The following EP400 variants were observed in gnomAD, a reference collection of about 807,000 sequenced individuals.
EP400 encodes E1A binding protein p400, also known as E1A-binding protein p400.
EP400 carries 105 observed loss-of-function variants against 354.1 expected under a neutral mutation model. The observed-to-expected ratio is 0.30, with a 90% confidence interval of 0.25 to 0.35. The LOEUF (loss-of-function observed/expected upper bound fraction) is 0.35, where lower values mean the gene tolerates loss of function less well. Ranked by LOEUF, EP400 falls within the 10% of genes least tolerant of loss-of-function variation. The probability of loss-of-function intolerance (pLI) is 1.00; values close to 1 mark genes in which losing one functional copy is unlikely to be tolerated. For synonymous variants in EP400, 1,646 were observed against 1,716.9 expected, an observed-to-expected ratio of 0.96 and a Z score of 1.02; for missense variants, 3,280 against 4,121.0, an observed-to-expected ratio of 0.80 and a Z score of 5.59.
At position 132,075,970 on chromosome 12, in the gene EP400, C is replaced by A. The variant is rs1298218468; in HGVS notation, c.9022-546C>A. On this transcript the variant is annotated intron_variant, in intron 51 of 52. Transcript: ENST00000389561. This position sits in a 1 kb window ranked among gnomAD's most constrained non-coding sequence, Gnocchi z 4.5. ...GGAGATGCATGCAGTAGCAAGTGCA[C>A]AGAAAGTGGGCACTGGGTGGAAAGT... 1 of 200,720 alleles carries A rather than the reference C, an allele frequency of 5.0e-6. No individual in the cohort carries two copies. Among genetic ancestry groups the A allele is most frequent in the African/African-American group, 2.3e-5 (1 of 43,090 alleles). The allele number at this position is 200,720 out of a possible 1,614,324, so 12.4% of individuals were successfully genotyped here.
Position 132,029,418 on chromosome 12 carries a change from G to A in EP400, c.5382-283G>A, listed in dbSNP as rs1031653324. Reference sequence around the variant, plus strand: ...ACTAGAAAGAGAATGGCTTATCTCTGACCTGGTGCCTGCGGCCTAGGGAAT... The same window carrying A: ...ACTAGAAAGAGAATGGCTTATCTCTAACCTGGTGCCTGCGGCCTAGGGAAT... On this transcript the variant is annotated intron_variant, in intron 27 of 52. Transcript: ENST00000389561. The surrounding 1 kb of genome is among the most constrained non-coding windows in gnomAD (Gnocchi z 4.7). The A allele has an allele frequency of 5.8e-6, 3 of 514,958 alleles. No homozygotes were observed. The highest frequency in any genetic ancestry group is 1.0e-5 in the Non-Finnish European group (3 of 288,680). 31.9% of individuals were successfully genotyped at this position (514,958 alleles called of 1,614,324 possible).
At chr12:131,965,641 C>T (rs1396767373) in intron 2 of EP400, among the ~76,000 whole-genome samples, 2 of 152,318 alleles carry the variant, frequency 1.3e-5, no homozygotes, top group East Asian at 1.9e-4. Context: ...CAACCCTTCA[C>T]GCCTCCCTTG....
intron 2 of EP400, among the ~76,000 whole-genome samples, chr12:131,972,272 C>T (rs1382236506): frequency 6.6e-6 from 1 of 151,902 alleles, no homozygotes; most frequent in Non-Finnish European, 1.5e-5. Flanking sequence ...CCTGCCTCAG[C>T]CTCCGGAGTA....
At chr12:131,991,276 G>C (rs932313845) in intron 9 of EP400, 131 bp from the exon 10 acceptor site, 1 of 807,598 alleles carries the variant, frequency 1.2e-6, no homozygotes, top group Non-Finnish European at 2.1e-6. Flanking sequence ...ATGATGATGA[G>C]GAGGCAGAAC....
rs1402029503 is a variant in EP400 at position 132,078,705 on chromosome 12, T to C, written c.*1032T>C. The C allele has an allele frequency of 2.0e-5, 3 of 152,358 alleles. No homozygotes were observed. The highest frequency in any genetic ancestry group is 6.5e-5 in the Admixed American group (1 of 15,310). The allele number at this position is 152,358 out of a possible 1,614,324, so 9.4% of individuals were successfully genotyped here. A position where few individuals can be genotyped will look rare whatever the true frequency, so the allele number is the denominator to read the frequency against. On this transcript the variant is annotated 3_prime_UTR_variant, in exon 53 of 53. Coordinates refer to ENST00000389561, the MANE Select transcript of EP400 (RefSeq NM_015409.5). The stretch of plus-strand genomic sequence containing the variant: ...CTGGTGATTCTGGAAGTATTGGCTA[T>C]AGCGGTGGGCCCAGTCAACTCTTCC...
intron 39 of EP400, among the ~76,000 whole-genome samples, chr12:132,049,391 C>T (rs529665781): frequency 2.6e-5 from 4 of 152,322 alleles, no homozygotes; most frequent in South Asian, 4.1e-4. Context: ...TACAGTGTTC[C>T]GGAAGCAGAC....
At chr12:132,016,389 A>C (rs1170831795) in intron 19 of EP400, among the ~76,000 whole-genome samples, 1 of 151,124 alleles carries the variant, frequency 6.6e-6, no homozygotes, top group Non-Finnish European at 1.5e-5. Context: ...TTTTCTTGAG[A>C]TGGAGTCTCG....
intron 2 of EP400, among the ~76,000 whole-genome samples, chr12:131,976,696 C>T (rs1211094785): frequency 3.9e-5 from 6 of 152,068 alleles, no homozygotes; most frequent in South Asian, 2.1e-4. Context: ...GGCGACAGAG[C>T]GAGACTCTGT....
rs1455740169 is a variant in EP400 at position 132,021,297 on chromosome 12, T to C, written c.4666T>C (p.Ser1556Pro). Residue 1556 changes from serine (S) to proline (P), a missense_variant, in exon 23 of 53, where the codon TCG becomes CCG. Coordinates refer to ENST00000389561, the MANE Select transcript of EP400 (RefSeq NM_015409.5). ...GCTGCCTCAGAGGCTGGTGCTCCCC[T>C]CGCAGGCCCAGGCCCGCTTGCCCAG... ...SALPQRLVLP[S>P]QAQARLPSGE... The C allele has an allele frequency of 1.3e-6, 2 of 1,525,362 alleles. No homozygotes were observed. The highest frequency in any genetic ancestry group is 4.0e-5 in the Admixed American group (2 of 49,702). The allele number at this position is 1,525,362 out of a possible 1,614,324, so 94.5% of individuals were successfully genotyped here. A position where few individuals can be genotyped will look rare whatever the true frequency, so the allele number is the denominator to read the frequency against.
rs557251609 is a variant in EP400 at position 131,994,410 on chromosome 12, G to A, written c.2738-457G>A. Among the ~76,000 whole-genome samples, 5 of 152,300 alleles carry A rather than the reference G, an allele frequency of 3.3e-5. No homozygotes were observed. In the East Asian group the frequency reaches 5.8e-4, roughly 18 times the overall value. On this transcript the variant is annotated intron_variant, in intron 11 of 52. Transcript: ENST00000389561. The surrounding 1 kb of genome is among the most constrained non-coding windows in gnomAD (Gnocchi z 4.6). Reference sequence around the variant, plus strand: ...CCAAGATCTCTATGGCGAGTGAGGCGTGAGGTTCAGGGCTGGAGGGCTGAA... The same window carrying A: ...CCAAGATCTCTATGGCGAGTGAGGCATGAGGTTCAGGGCTGGAGGGCTGAA...
intron 2 of EP400, among the ~76,000 whole-genome samples, chr12:131,975,216 G>T (rs555887237): frequency 1.3e-5 from 2 of 152,100 alleles, no homozygotes; most frequent in African/African-American, 2.4e-5. Flanking sequence ...TCAACAGGGC[G>T]CACAGTCCTC....
In EP400 at chr12:132,077,764, A is replaced by T; in HGVS notation, c.*91A>T. On this transcript the variant is annotated 3_prime_UTR_variant, in exon 53 of 53. Transcript: ENST00000389561. ...GTGAACCTTGGGACCATGTCACGCA[A>T]GAGATTCAGCACTGGGAAAGATATA... 2 of 1,397,812 alleles carry T rather than the reference A, an allele frequency of 1.4e-6. No homozygotes were observed. The highest frequency in any genetic ancestry group is 2.9e-5 in the African/African-American group (2 of 69,022). 86.6% of individuals were successfully genotyped at this position (1,397,812 alleles called of 1,614,324 possible).
intron 23 of EP400, among the ~76,000 whole-genome samples, chr12:132,022,902 T>C (rs914770771): frequency 2.0e-5 from 3 of 152,144 alleles, no homozygotes; most frequent in African/African-American, 7.2e-5. Context: ...ATCCTGCTAC[T>C]GCCCTCCAGC....
intron 47 of EP400, among the ~76,000 whole-genome samples, chr12:132,064,362 C>G: frequency 6.6e-6 from 1 of 152,212 alleles, no homozygotes; most frequent in Non-Finnish European, 1.5e-5. Flanking sequence ...TTTTGAACTT[C>G]AAATAAGTTT....
chr12:132,062,715 A>G lies in EP400; in HGVS notation c.8334+14A>G. 1 of 1,612,358 alleles carries G rather than the reference A, an allele frequency of 6.2e-7. No homozygotes were observed. ...AAGCTGACGCCGGTGAGCATTTCCCAGAGGACCATGAACGTGTGCGTCTTG... is the reference window on the plus strand; with the variant it reads ...AAGCTGACGCCGGTGAGCATTTCCCGGAGGACCATGAACGTGTGCGTCTTG... On this transcript the variant is annotated intron_variant, in intron 47 of 52. Coordinates refer to ENST00000389561, the MANE Select transcript of EP400 (RefSeq NM_015409.5).
At chr12:131,985,335 G>C (rs1258731545) in intron 5 of EP400, among the ~76,000 whole-genome samples, 1 of 152,258 alleles carries the variant, frequency 6.6e-6, no homozygotes, top group East Asian at 1.9e-4. Flanking sequence ...CACGTAAGTG[G>C]ATGTGGCTGT....
At position 131,960,979 on chromosome 12, in the gene EP400, C is replaced by T. The variant is rs140342799; in HGVS notation, c.360C>T (p.Tyr120=). 709 of 1,608,540 alleles carry T rather than the reference C, an allele frequency of 4.4e-4. 4 individuals carry two copies. The African/African-American group carries it at 4.6e-3, about 10-fold the overall frequency. Residue 120 remains tyrosine (Y), a synonymous_variant, in exon 2 of 53, where the codon TAC becomes TAT. Coordinates refer to ENST00000389561, the MANE Select transcript of EP400 (RefSeq NM_015409.5). ...GGTTTGAGCATGGGTCTCCATCATACATTCAGGTCACGTCCCCCTTGTCCC... is the reference window on the plus strand; with the variant it reads ...GGTTTGAGCATGGGTCTCCATCATATATTCAGGTCACGTCCCCCTTGTCCC... ...PRRFEHGSPS[Y]IQVTSPLSQQ...
At chr12:132,058,961 T>G (rs1318058863) in intron 45 of EP400, among the ~76,000 whole-genome samples, 5 of 152,096 alleles carry the variant, frequency 3.3e-5, no homozygotes, top group Admixed American at 6.6e-5. Context: ...AAGGATGACT[T>G]CTGTTTCTGG....
intron 1 of EP400, among the ~76,000 whole-genome samples, chr12:131,951,012 G>A (rs1432373575): frequency 6.6e-6 from 1 of 151,172 alleles, no homozygotes; most frequent in Admixed American, 6.6e-5. Flanking sequence ...CGATTCTCCT[G>A]CCTCAGCCTC....
Sources: allele counts gnomAD v4.1 joint callset (sites outside exome capture counted in the v4.1 genomes callset), GRCh38; gene constraint gnomAD v4.1.1; non-coding constraint Gnocchi (gnomAD v3.1); transcripts MANE v1.5; gene names NCBI Gene and HGNC (gene_info 2026-07-23, HGNC 2026-07-21).